DPF3: variants seen among roughly 807,000 people sequenced by gnomAD.
DPF3 encodes the protein zinc finger protein DPF3.
In DPF3, 18 loss-of-function variants were observed where a neutral mutation model predicts 56.8. That is an observed-to-expected ratio of 0.32 (90% CI 0.22 to 0.47). The LOEUF (loss-of-function observed/expected upper bound fraction) is 0.47. Ranked by LOEUF, DPF3 falls within the 20% of genes least tolerant of loss-of-function variation. The pLI is 1.00. For synonymous variants in DPF3, 188 were observed against 180.2 expected, an observed-to-expected ratio of 1.04 and a Z score of -0.35; for missense variants, 403 against 488.8, an observed-to-expected ratio of 0.82 and a Z score of 1.65.
At chr14:72,623,038 T>G (rs557420347) in intron 9 of DPF3, among the ~76,000 whole-genome samples, 1 of 152,356 alleles carries the variant, frequency 6.6e-6, no homozygotes, top group African/African-American at 2.4e-5. Flanking sequence ...GATTAATCTC[T>G]AAGATATTCA....
Position 72,616,816 on chromosome 14 carries a change from C to G in DPF3, c.*2481G>C, listed in dbSNP as rs1399149853. 2.6e-5 allele frequency among the ~76,000 whole-genome samples: 4 copies of G among 152,206 alleles called. No individual in the cohort carries two copies. Among genetic ancestry groups the G allele is most frequent in the Admixed American group, 2.6e-4 (4 of 15,292 alleles). ...CAATTTAAAGTTTACCAACCCCGTCCTCTTTTGAACACAGAGGTGATAAAT... is the reference window on the plus strand; with the variant it reads ...CAATTTAAAGTTTACCAACCCCGTCGTCTTTTGAACACAGAGGTGATAAAT... On this transcript the variant is annotated 3_prime_UTR_variant, in exon 11 of 11. Transcript: ENST00000556509.
chr14:72,636,689 C>T (rs535037697), intron 8 of DPF3, among the ~76,000 whole-genome samples: 2 of 152,320 alleles, frequency 1.3e-5, no homozygotes, highest in Non-Finnish European at 2.9e-5. Flanking sequence ...TCAAGCCCTG[C>T]TTTGTAAACC....
intron 1 of DPF3, among the ~76,000 whole-genome samples, chr14:72,784,911 C>G (rs1053240417): frequency 2.6e-5 from 4 of 151,592 alleles, no homozygotes; most frequent in Admixed American, 1.3e-4. Flanking sequence ...GAGCTGAGAT[C>G]GCACCATTAC....
intron 2 of DPF3, among the ~76,000 whole-genome samples, chr14:72,766,488 G>A (rs1158535347): frequency 6.6e-6 from 1 of 152,176 alleles, no homozygotes; most frequent in Non-Finnish European, 1.5e-5. Flanking sequence ...GTATCACTCT[G>A]TAGCCTGGGC....
At chr14:72,629,077 G>A (rs994268692) in intron 9 of DPF3, among the ~76,000 whole-genome samples, 1 of 152,192 alleles carries the variant, frequency 6.6e-6, no homozygotes, top group African/African-American at 2.4e-5. Context: ...ACGACTGGAT[G>A]TTTGATTGTA....
chr14:72,790,559 A>G (rs1015644621), intron 1 of DPF3, among the ~76,000 whole-genome samples: 3 of 152,166 alleles, frequency 2.0e-5, no homozygotes, highest in African/African-American at 7.2e-5. Context: ...ATTTCACTGT[A>G]CCCTGATATG....
chr14:72,795,988 C>T (rs1158807937), intron 1 of DPF3, among the ~76,000 whole-genome samples: 1 of 152,208 alleles, frequency 6.6e-6, no homozygotes. Context: ...ACAAATCTTT[C>T]TGCCTTCCAA....
At chr14:72,652,303 C>T (rs1166111330) in intron 8 of DPF3, among the ~76,000 whole-genome samples, 1 of 152,118 alleles carries the variant, frequency 6.6e-6, no homozygotes, top group Non-Finnish European at 1.5e-5. Context: ...GGCGGGTGGT[C>T]CCCATGACTC....
At chr14:72,622,348 C>G (rs891381216) in intron 9 of DPF3, among the ~76,000 whole-genome samples, 1 of 152,082 alleles carries the variant, frequency 6.6e-6, no homozygotes, top group Non-Finnish European at 1.5e-5. Flanking sequence ...GGGATGAAGA[C>G]GAGCACACTG....
chr14:72,623,949 A>G (rs1302065868), intron 9 of DPF3, among the ~76,000 whole-genome samples: 2 of 152,200 alleles, frequency 1.3e-5, no homozygotes, highest in Non-Finnish European at 2.9e-5. Context: ...ATCAAATACT[A>G]TTAGGATTAT....
At chr14:72,802,121 C>G (rs1356142599) in intron 1 of DPF3, among the ~76,000 whole-genome samples, 1 of 151,948 alleles carries the variant, frequency 6.6e-6, no homozygotes, top group African/African-American at 2.4e-5. Context: ...AATGCTCACA[C>G]AGGGACAGCT....
At chr14:72,822,231 A>G (rs1467332400) in intron 1 of DPF3, among the ~76,000 whole-genome samples, 1 of 152,072 alleles carries the variant, frequency 6.6e-6, no homozygotes, top group Non-Finnish European at 1.5e-5. Flanking sequence ...ATACAAAAAA[A>G]TTAGCTGGGC....
At chr14:72,775,836 A>G (rs1489669207) in intron 1 of DPF3, among the ~76,000 whole-genome samples, 1 of 152,224 alleles carries the variant, frequency 6.6e-6, no homozygotes, top group Non-Finnish European at 1.5e-5. Flanking sequence ...GATAAATTCA[A>G]GAAGCACTTC....
chr14:72,860,353 T>C (rs1057473276), intron 1 of DPF3, among the ~76,000 whole-genome samples: 4 of 151,974 alleles, frequency 2.6e-5, no homozygotes, highest in African/African-American at 9.7e-5. Flanking sequence ...TGTCTTATTT[T>C]GTTTTACTTT....
At chr14:72,753,229 A>G in intron 3 of DPF3, 35 bp downstream of exon 3, 1 of 1,602,070 alleles carries the variant, frequency 6.2e-7, no homozygotes, top group Non-Finnish European at 8.5e-7. Context: ...CACCTTTCCC[A>G]TCACAGACCC....
At chr14:72,687,621 T>C (rs113474311) in intron 7 of DPF3, among the ~76,000 whole-genome samples, 6 of 152,326 alleles carry the variant, frequency 3.9e-5, no homozygotes, top group African/African-American at 1.2e-4. Flanking sequence ...TGTCTGAATG[T>C]GCCATGCTAT....
intron 1 of DPF3, among the ~76,000 whole-genome samples, chr14:72,833,540 A>C (rs951115651): frequency 2.6e-5 from 4 of 152,084 alleles, no homozygotes; most frequent in Non-Finnish European, 5.9e-5. Flanking sequence ...GCAAAACAAG[A>C]ACTGAGTCAA....
At chr14:72,646,446 C>T (rs747766691) in intron 8 of DPF3, among the ~76,000 whole-genome samples, 6 of 152,190 alleles carry the variant, frequency 3.9e-5, no homozygotes, top group Non-Finnish European at 8.8e-5. Flanking sequence ...GAAAGATGCC[C>T]ACAACCTCAG....
At position 72,702,797 on chromosome 14, in the gene DPF3, G is replaced by C. The variant is rs953930341; in HGVS notation, c.605-9584C>G. On this transcript the variant is annotated intron_variant, in intron 6 of 10. Coordinates refer to ENST00000556509, the MANE Select transcript of DPF3 (RefSeq NM_001280542.3). ...GCTCAGACTGGGTACGCAGGGTACA[G>C]TTGTTCATCCCACAGCCACTTCAAC... 3.3e-5 allele frequency among the ~76,000 whole-genome samples: 5 copies of C among 152,164 alleles called. 1 individual carries two copies. The highest frequency in any genetic ancestry group is 4.8e-5 in the African/African-American group (2 of 41,428).
Sources: allele counts gnomAD v4.1 joint callset (sites outside exome capture counted in the v4.1 genomes callset), GRCh38; gene constraint gnomAD v4.1.1; transcripts MANE v1.5; gene names NCBI Gene and HGNC (gene_info 2026-07-23, HGNC 2026-07-21).